Variants in ANXA8 observed in about 807,000 individuals in gnomAD.
The protein encoded by ANXA8 is annexin A8, also known as VAC-beta.
Under a neutral mutation model 26.8 loss-of-function variants are expected in ANXA8, and 9 were observed. That is an observed-to-expected ratio of 0.34 (90% CI 0.20 to 0.59). ANXA8 has a LOEUF of 0.59. ANXA8 is among the 20% of genes least tolerant of loss of function. The pLI, the probability that ANXA8 is intolerant of heterozygous loss-of-function variation, is 0.84. For missense variants in ANXA8, 83 were observed against 238.5 expected (o/e 0.35, Z 4.29); for synonymous variants, 39 against 94.8 (o/e 0.41, Z 3.42).
chr10:47,558,488 G>A, the ANXA8 span, among the ~76,000 whole-genome samples: 28,054 of 150,500 alleles, frequency 0.19, 2,837 homozygotes, highest in East Asian at 0.52. Context: ...GTTGATCCCA[G>A]ACACTAGTAA....
At chr10:47,486,140 G>A (rs1840041583), upstream of ANXA8, among the ~76,000 whole-genome samples, 1 of 151,522 alleles carries the variant, frequency 6.6e-6, no homozygotes, top group Admixed American at 6.6e-5. Context: ...CAGCTTCTAG[G>A]ATGATGAGCA....
At chr10:47,658,713 CA>C in the ANXA8 span, among the ~76,000 whole-genome samples, 4 of 139,088 alleles carry the variant, frequency 2.9e-5, no homozygotes, top group East Asian at 8.4e-4. Flanking sequence ...TTTCCAGTTC[CA>C]ACTCTGTCCC....
upstream of ANXA8, among the ~76,000 whole-genome samples, chr10:47,488,361 C>T (rs1292950303): frequency 7.3e-6 from 1 of 136,522 alleles, no homozygotes; most frequent in African/African-American, 2.8e-5. Context: ...CAGGCATGTG[C>T]CACCATGCCC....
the ANXA8 span, among the ~76,000 whole-genome samples, chr10:47,720,590 TTC>T: frequency 2.6e-3 from 374 of 143,876 alleles, 8 homozygotes; most frequent in African/African-American, 9.2e-3. Context: ...TCAGACATTT[TTC>T]TCTTTACCTT....
the ANXA8 span, among the ~76,000 whole-genome samples, chr10:47,686,390 C>A: frequency 6.6e-6 from 1 of 151,468 alleles, no homozygotes; most frequent in African/African-American, 2.4e-5. Context: ...GGCTAATTTT[C>A]GTATTTTTAT....
At chr10:47,948,990 T>C in the ANXA8 span, among the ~76,000 whole-genome samples, 1 of 140,104 alleles carries the variant, frequency 7.1e-6, no homozygotes, top group East Asian at 2.3e-4. Flanking sequence ...TGAACTGAAG[T>C]ATCAGCTTTT....
chr10:47,497,629 A>G, the ANXA8 span, among the ~76,000 whole-genome samples: 30 of 139,510 alleles, frequency 2.2e-4, 1 homozygote, highest in African/African-American at 7.9e-4. Context: ...CAAAAAAAAA[A>G]AACAACAACA....
At chr10:47,487,032 G>A (rs1209223363), upstream of ANXA8, among the ~76,000 whole-genome samples, 2 of 151,202 alleles carry the variant, frequency 1.3e-5, no homozygotes, top group East Asian at 3.9e-4. Flanking sequence ...GACTTGAAAT[G>A]TACCCAACAC....
At chr10:47,553,941 A>T in the ANXA8 span, among the ~76,000 whole-genome samples, 4 of 149,068 alleles carry the variant, frequency 2.7e-5, no homozygotes, top group African/African-American at 9.9e-5. Flanking sequence ...TGTAAAGATG[A>T]CAGACGAGGG....
chr10:47,709,388 C>T, the ANXA8 span, among the ~76,000 whole-genome samples: 2 of 150,856 alleles, frequency 1.3e-5, no homozygotes, highest in Non-Finnish European at 2.9e-5. Context: ...CAATCACGTA[C>T]TCAAGCATAC....
At chr10:47,735,099 G>A in the ANXA8 span, among the ~76,000 whole-genome samples, 1 of 148,592 alleles carries the variant, frequency 6.7e-6, no homozygotes, top group Non-Finnish European at 1.5e-5. Flanking sequence ...TTTTTGTTTT[G>A]TTTTGTTTTG....
At chr10:47,696,541 T>G in the ANXA8 span, 1 of 1,289,872 alleles carries the variant, frequency 7.8e-7, no homozygotes, top group Non-Finnish European at 1.0e-6. Context: ...AGTAATGTAT[T>G]AGTGTTTAAA....
At chr10:47,721,817 A>C in the ANXA8 span, among the ~76,000 whole-genome samples, 1 of 119,074 alleles carries the variant, frequency 8.4e-6, no homozygotes, top group Non-Finnish European at 1.7e-5. Flanking sequence ...GGTGTGAGCC[A>C]CCAAGCCCAG....
the ANXA8 span, among the ~76,000 whole-genome samples, chr10:47,585,199 G>A: frequency 4.1e-5 from 5 of 122,998 alleles, no homozygotes; most frequent in African/African-American, 6.7e-5. Flanking sequence ...GGGAGGCAGA[G>A]GTTGCAGTGA....
the ANXA8 span, among the ~76,000 whole-genome samples, chr10:47,527,591 T>A: frequency 6.0e-4 from 89 of 147,422 alleles, 3 homozygotes; most frequent in South Asian, 6.2e-3. Context: ...CAATGCAGAG[T>A]CAAATTTTGC....
the ANXA8 span, among the ~76,000 whole-genome samples, chr10:47,579,943 AAC>A: frequency 1.2e-4 from 18 of 147,562 alleles, no homozygotes; most frequent in Non-Finnish European, 1.5e-4. Context: ...TGAAGGAAGA[AAC>A]AATTTTACAA....
At chr10:47,743,380 G>A in the ANXA8 span, among the ~76,000 whole-genome samples, 1,188 of 18,336 alleles carry the variant, frequency 0.065, 22 homozygotes, top group East Asian at 0.12. Context: ...ACATATATAT[G>A]TGTGTGTGTG....
At chr10:47,526,224 C>A in the ANXA8 span, among the ~76,000 whole-genome samples, 1 of 127,548 alleles carries the variant, frequency 7.8e-6, no homozygotes, top group Non-Finnish European at 1.6e-5. Context: ...AGTGCCTAAG[C>A]CTCCCAAGTA....
chr10:47,711,553 G>A, the ANXA8 span, among the ~76,000 whole-genome samples: 2 of 147,362 alleles, frequency 1.4e-5, no homozygotes, highest in South Asian at 2.1e-4. Context: ...TTTGAGATAA[G>A]TCTAACTTTG....
Sources: gnomAD v4.1 joint callset for allele counts (sites outside exome capture counted in the v4.1 genomes callset) on GRCh38, gnomAD v4.1.1 for gene constraint, MANE v1.5 for transcripts, NCBI Gene and HGNC (gene_info 2026-07-23, HGNC 2026-07-21) for gene names.